Variants in COL11A1 observed in about 807,000 individuals in gnomAD.
COL11A1 encodes collagen type XI alpha 1 chain, also known as collagen alpha-1(XI) chain.
Under a neutral mutation model 265.2 loss-of-function variants are expected in COL11A1, and 74 were observed. That is an observed-to-expected ratio of 0.28 (90% CI 0.23 to 0.34). COL11A1 has a LOEUF of 0.34. COL11A1 is among the 10% of genes least tolerant of loss of function. COL11A1 has a pLI of 1.00. For synonymous variants in COL11A1, 816 were observed against 727.6 expected (o/e 1.12, Z -1.96); for missense variants, 2,165 against 2,263.6 (o/e 0.96, Z 0.88).
At chr1:103,068,338 A>G (rs1224283438) in intron 4 of COL11A1, among the ~76,000 whole-genome samples, 4 of 151,798 alleles carry the variant, frequency 2.6e-5, no homozygotes. Flanking sequence ...ACTAACAGGA[A>G]AAAAAACCCG....
intron 37 of COL11A1, among the ~76,000 whole-genome samples, chr1:102,966,904 GCT>G (rs1410594742): frequency 6.6e-6 from 1 of 152,082 alleles, no homozygotes; most frequent in African/African-American, 2.4e-5. Flanking sequence ...TGTATATCAT[GCT>G]CTCTCTTCAA....
intron 7 of COL11A1, among the ~76,000 whole-genome samples, chr1:103,024,611 A>C (rs71664961): frequency 0.079 from 12,036 of 152,134 alleles, 528 homozygotes; most frequent in Middle Eastern, 0.14. Flanking sequence ...TCTGAACTAA[A>C]ATGCTGGATG....
rs764897552 is a variant in COL11A1 at position 102,898,945 on chromosome 1, G to C, written c.4136C>G (p.Ala1379Gly). Residue 1379 changes from alanine to glycine, a missense_variant, in exon 55 of 67, where the codon GCT becomes GGT. Coordinates refer to ENST00000370096, the MANE Select transcript of COL11A1 (RefSeq NM_001854.4). ...GAEGRQGEKG[A>G]KGEAGAEGPP... Reference sequence around the variant, plus strand: ...TATATATTATTTTTTTTTTACCTTAGCACCTTTTTCACCTTGTCTTCCCTC... The same window carrying C: ...TATATATTATTTTTTTTTTACCTTACCACCTTTTTCACCTTGTCTTCCCTC... 6.7e-7 allele frequency: 1 copy of C among 1,490,520 alleles called. No homozygotes were observed. Among genetic ancestry groups the C allele is most frequent in the South Asian group, 1.3e-5 (1 of 77,148 alleles). 92.3% of individuals were successfully genotyped at this position (1,490,520 alleles called of 1,614,324 possible). A position where few individuals can be genotyped will look rare whatever the true frequency, so the allele number is the denominator to read the frequency against.
At position 102,888,634 on chromosome 1, in the gene COL11A1, T is replaced by A. The variant is rs1570635252; in HGVS notation, c.4555-4A>T. 3 of 1,613,792 alleles carry A rather than the reference T, an allele frequency of 1.9e-6. No individual in the cohort carries two copies. Among genetic ancestry groups the A allele is most frequent in the Middle Eastern group, 1.7e-4 (1 of 6,060 alleles). On this transcript the variant is annotated splice_region_variant and splice_polypyrimidine_tract_variant and intron_variant, in intron 61 of 66. Transcript: ENST00000370096. ...CACCTTTCTGGCCAGCGGGTCCCTG[T>A]TAGAAAGAAGAGAGAGGACATAAAT...
chr1:103,097,728 G>A (rs560692891), intron 1 of COL11A1, among the ~76,000 whole-genome samples: 2 of 152,058 alleles, frequency 1.3e-5, no homozygotes, highest in African/African-American at 2.4e-5. Context: ...TTAGAATTCA[G>A]GAAGAGCATT....
chr1:102,987,124 G>A (rs187829938), intron 30 of COL11A1, among the ~76,000 whole-genome samples: 347 of 152,068 alleles, frequency 2.3e-3, no homozygotes, highest in Non-Finnish European at 3.7e-3. Context: ...ACATGGCCGA[G>A]GAGGGCATAG....
At chr1:102,901,234 C>T (rs967096217) in intron 54 of COL11A1, among the ~76,000 whole-genome samples, 1 of 151,438 alleles carries the variant, frequency 6.6e-6, no homozygotes, top group Non-Finnish European at 1.5e-5. Flanking sequence ...GCAGGAGAAT[C>T]GCTTGAACCC....
intron 54 of COL11A1, among the ~76,000 whole-genome samples, chr1:102,902,760 TA>T (rs1210904492): frequency 2.0e-5 from 3 of 151,460 alleles, no homozygotes; most frequent in Non-Finnish European, 4.4e-5. Context: ...AAGGACTTTG[TA>T]AAAGAAAATG....
intron 30 of COL11A1, among the ~76,000 whole-genome samples, chr1:102,985,899 A>G (rs7544130): frequency 2.6e-5 from 4 of 151,858 alleles, no homozygotes; most frequent in Admixed American, 6.6e-5. Context: ...AATCACTATA[A>G]CATTGCTCAT....
At chr1:102,899,680 A>AT (rs918189800) in intron 54 of COL11A1, among the ~76,000 whole-genome samples, 2 of 152,186 alleles carry the variant, frequency 1.3e-5, no homozygotes, top group East Asian at 1.9e-4. Flanking sequence ...ACTGCTTTTC[A>AT]TTTTTTTCCC....
At chr1:102,963,613 G>A (rs1350950721) in intron 38 of COL11A1, among the ~76,000 whole-genome samples, 2 of 152,118 alleles carry the variant, frequency 1.3e-5, no homozygotes, top group African/African-American at 4.8e-5. Context: ...TGCTTATGAA[G>A]TATAAATATT....
chr1:102,974,909 A>C, intron 35 of COL11A1, 26 bp from the exon 36 acceptor site: 1 of 1,575,448 alleles, frequency 6.3e-7, no homozygotes, highest in South Asian at 1.1e-5. Flanking sequence ...AGTGGGGAGA[A>C]GTTAACAATA....
At chr1:103,019,599 T>A (rs1323319719) in intron 9 of COL11A1, among the ~76,000 whole-genome samples, 1 of 151,842 alleles carries the variant, frequency 6.6e-6, no homozygotes, top group Non-Finnish European at 1.5e-5. Context: ...CTTTTTTTTA[T>A]TATTATACTT....
chr1:103,043,637 C>T (rs1669013446), intron 4 of COL11A1, among the ~76,000 whole-genome samples: 1 of 151,938 alleles, frequency 6.6e-6, no homozygotes, highest in Non-Finnish European at 1.5e-5. Flanking sequence ...CTCAGAAATT[C>T]TAAACACAAC....
intron 46 of COL11A1, among the ~76,000 whole-genome samples, chr1:102,924,077 C>T (rs1676490): frequency 0.14 from 20,943 of 149,438 alleles, 4,044 homozygotes; most frequent in African/African-American, 0.44. Context: ...AAAAATTAGC[C>T]GGGCGTGGTG....
At chr1:103,069,901 A>G (rs990846542) in intron 4 of COL11A1, among the ~76,000 whole-genome samples, 1 of 151,944 alleles carries the variant, frequency 6.6e-6, no homozygotes, top group African/African-American at 2.4e-5. Context: ...AAGACTGAGC[A>G]TATCAGAGGT....
chr1:103,060,913 T>TAA (rs1411508358), intron 4 of COL11A1, among the ~76,000 whole-genome samples: 2 of 152,068 alleles, frequency 1.3e-5, no homozygotes, highest in African/African-American at 2.4e-5. Flanking sequence ...ACTATATATA[T>TAA]AATTGCCTTA....
At chr1:103,065,710 G>A (rs923302028) in intron 4 of COL11A1, among the ~76,000 whole-genome samples, 1 of 151,598 alleles carries the variant, frequency 6.6e-6, no homozygotes, top group Non-Finnish European at 1.5e-5. Flanking sequence ...TGAAAAGAAT[G>A]AAAATATAAG....
chr1:102,897,435 GAA>G (rs983465591), intron 57 of COL11A1, among the ~76,000 whole-genome samples: 9 of 137,768 alleles, frequency 6.5e-5, no homozygotes, highest in Admixed American at 2.2e-4. Context: ...TCTACCATAA[GAA>G]AAAAAAATAT....
Sources: gnomAD v4.1 joint callset for allele counts (sites outside exome capture counted in the v4.1 genomes callset) on GRCh38, gnomAD v4.1.1 for gene constraint, MANE v1.5 for transcripts, NCBI Gene and HGNC (gene_info 2026-07-23, HGNC 2026-07-21) for gene names.